NHSL1: variants seen among roughly 807,000 people sequenced by gnomAD.
The protein encoded by NHSL1 is NHS-like protein 1.
In NHSL1, 48 loss-of-function variants were observed where a neutral mutation model predicts 95.0. The observed-to-expected ratio is 0.51, with a 90% CI of 0.40 to 0.64. The LOEUF (loss-of-function observed/expected upper bound fraction) is 0.64, where lower values mean the gene tolerates loss of function less well. Among genes scored for constraint, NHSL1 ranks in the 30% least tolerant of loss-of-function variants. NHSL1 has a pLI of 0.00. For missense variants in NHSL1, 1,971 were observed against 2,077.7 expected, an observed-to-expected ratio of 0.95 and a Z score of 1.00; for synonymous variants, 783 against 833.9, an observed-to-expected ratio of 0.94 and a Z score of 1.05.
intron 7 of NHSL1, 68 bp downstream of exon 7, chr6:138,429,643 A>G: frequency 7.3e-7 from 1 of 1,369,764 alleles, no homozygotes. Context: ...AGAAAAGTAA[A>G]TTGAGGTGCT....
chr6:138,644,040 A>C (rs1314075344), intron 1 of NHSL1, among the ~76,000 whole-genome samples: 1 of 151,392 alleles, frequency 6.6e-6, no homozygotes, highest in African/African-American at 2.4e-5. Flanking sequence ...AAGTGCCTCT[A>C]TCTTGGGATT....
At chr6:138,504,801 A>G (rs191920487) in intron 1 of NHSL1, among the ~76,000 whole-genome samples, 22 of 152,360 alleles carry the variant, frequency 1.4e-4, no homozygotes, top group Admixed American at 1.0e-3. Context: ...CACAATCCAC[A>G]CAAAATGTGA....
At chr6:138,552,202 C>A (rs1380482209) in intron 1 of NHSL1, among the ~76,000 whole-genome samples, 1 of 152,122 alleles carries the variant, frequency 6.6e-6, no homozygotes, top group Non-Finnish European at 1.5e-5. Flanking sequence ...AGGCGGATCA[C>A]GAGGTCAGGA....
intron 1 of NHSL1, among the ~76,000 whole-genome samples, chr6:138,588,492 C>T (rs1440293096): frequency 1.9e-5 from 2 of 103,312 alleles, no homozygotes; most frequent in Non-Finnish European, 4.6e-5. Flanking sequence ...AATAAAATAA[C>T]GACACTGCAA....
chr6:138,649,998 C>A (rs967682426), intron 1 of NHSL1, among the ~76,000 whole-genome samples: 2 of 152,184 alleles, frequency 1.3e-5, no homozygotes, highest in East Asian at 1.9e-4. Flanking sequence ...TTTCTCCCAA[C>A]CTTTCCCAGG....
At chr6:138,534,208 AC>A (rs1168240467) in intron 1 of NHSL1, among the ~76,000 whole-genome samples, 2 of 152,164 alleles carry the variant, frequency 1.3e-5, no homozygotes, top group Non-Finnish European at 2.9e-5. Flanking sequence ...AAGTCTTTTT[AC>A]CCAAACTAGA....
rs117580873 is a variant in NHSL1, at chr6:138,648,915, T to C, written c.96+43561A>G. Among the ~76,000 whole-genome samples the C allele has an allele frequency of 1.5e-4, 23 of 152,252 alleles. No homozygotes were observed. The East Asian group carries it at 4.4e-3, about 29-fold the overall frequency. On this transcript the variant is annotated intron_variant, in intron 1 of 3. Coordinates refer to the NHSL1 transcript ENST00000491526. ...GGTGAGGAATGAATATAGTCAACTA[T>C]AAAATAGCATATCTGAACAGCATTA...
rs966561343 is a variant in NHSL1 at position 138,623,254 on chromosome 6, G to A, written c.96+69222C>T. ...TGCACTGGCATAGTAAAGTGAGGGT[G>A]GACAGGGAGCTCTGCTCAGAAACTG... On this transcript the variant is annotated intron_variant, in intron 1 of 3. Coordinates refer to the NHSL1 transcript ENST00000491526. Among the ~76,000 whole-genome samples the A allele has an allele frequency of 3.3e-5, 5 of 152,318 alleles. No homozygotes were observed. The East Asian group carries it at 9.6e-4, about 29-fold the overall frequency.
intron 1 of NHSL1, among the ~76,000 whole-genome samples, chr6:138,580,392 G>C (rs1784035110): frequency 6.6e-6 from 1 of 152,136 alleles, no homozygotes; most frequent in African/African-American, 2.4e-5. Flanking sequence ...CAAGCCTCTG[G>C]GCTTGAGTAA....
chr6:138,603,919 T>C (rs1044130057), intron 1 of NHSL1, among the ~76,000 whole-genome samples: 7 of 152,216 alleles, frequency 4.6e-5, no homozygotes, highest in Non-Finnish European at 7.3e-5. Context: ...CTGGAACTAA[T>C]TTTAAACACC....
intron 3 of NHSL1, 58 bp downstream of exon 3, chr6:138,473,248 T>C: frequency 1.4e-6 from 2 of 1,396,178 alleles, no homozygotes; most frequent in Non-Finnish European, 1.9e-6. Context: ...TGTCCACATA[T>C]ATCCTTTCTC....
chr6:138,596,381 C>T (rs1023943721), intron 1 of NHSL1, among the ~76,000 whole-genome samples: 5 of 152,086 alleles, frequency 3.3e-5, no homozygotes, highest in Admixed American at 6.5e-5. Flanking sequence ...AGGCCTCCAG[C>T]GTCATGTGGA....
Position 138,433,312 on chromosome 6 carries a change from C to A in NHSL1, c.1033G>T (p.Gly345Cys). The change falls in exon 6 of 8, where the codon GGC (glycine) becomes TGC (cysteine). Residue 345 changes from glycine (G) to cysteine (C), a missense_variant. Coordinates refer to ENST00000343505, the MANE Select transcript of NHSL1 (RefSeq NM_001144060.2). ...GTGCCATTCATGTCTCCTGCAGGGC[C>A]GAGGGCACCCAGCCTCGGCTCAAGG... ...QSLEPRLGAL[G>C]PAGDMNGTFL... 2 of 1,551,698 alleles carry A rather than the reference C, an allele frequency of 1.3e-6. No individual in the cohort carries two copies. Among genetic ancestry groups the A allele is most frequent in the Non-Finnish European group, 1.7e-6 (2 of 1,146,970 alleles).
intron 1 of NHSL1, among the ~76,000 whole-genome samples, chr6:138,608,240 T>G (rs747150452): frequency 6.6e-6 from 1 of 152,254 alleles, no homozygotes; most frequent in African/African-American, 2.4e-5. Flanking sequence ...AAAATTACTT[T>G]GAATGACATG....
At chr6:138,636,851 G>T (rs1784895055) in intron 1 of NHSL1, among the ~76,000 whole-genome samples, 3 of 152,200 alleles carry the variant, frequency 2.0e-5, no homozygotes, top group African/African-American at 7.2e-5. Flanking sequence ...GCAATGTACA[G>T]ATTCAATGCA....
intron 1 of NHSL1, among the ~76,000 whole-genome samples, chr6:138,533,629 A>T (rs1782225443): frequency 6.6e-6 from 1 of 152,234 alleles, no homozygotes; most frequent in Non-Finnish European, 1.5e-5. Context: ...TTCTGAAAAT[A>T]ATTTTTTTCT....
At chr6:138,536,288 A>G (rs117782203) in intron 1 of NHSL1, among the ~76,000 whole-genome samples, 1,660 of 152,324 alleles carry the variant, frequency 0.011, 14 homozygotes, top group Middle Eastern at 0.017. Context: ...ACTCATTTTC[A>G]GCCAAGTGTG....
In NHSL1 at chr6:138,442,177, T is replaced by C. The variant is rs542936115; in HGVS notation, c.533-63A>G. ...TTTCAAGCAAGCTGACACCATGCACTTTCTTCCAGAAGCTTGTTGTAAAAT... is the reference window on the plus strand; with the variant it reads ...TTTCAAGCAAGCTGACACCATGCACCTTCTTCCAGAAGCTTGTTGTAAAAT... On this transcript the variant is annotated intron_variant, in intron 4 of 7. Transcript: ENST00000343505. The C allele has an allele frequency of 4.2e-6, 6 of 1,415,602 alleles. No individual in the cohort carries two copies. The African/African-American group carries it at 7.3e-5, about 17-fold the overall frequency. 87.7% of individuals were successfully genotyped at this position (1,415,602 alleles called of 1,614,324 possible).
intron 4 of NHSL1, among the ~76,000 whole-genome samples, chr6:138,446,470 T>C (rs1342528372): frequency 6.6e-6 from 1 of 152,192 alleles, no homozygotes; most frequent in Non-Finnish European, 1.5e-5. Context: ...GAATTTCAGG[T>C]TTGGCAATTA....
Sources: gnomAD v4.1 joint callset for allele counts (sites outside exome capture counted in the v4.1 genomes callset) on GRCh38, gnomAD v4.1.1 for gene constraint, MANE v1.5 for transcripts, NCBI Gene and HGNC (gene_info 2026-07-23, HGNC 2026-07-21) for gene names.